Variants in TCF7L2 observed in about 807,000 individuals in gnomAD.
The protein encoded by TCF7L2 is transcription factor 7 like 2, also known as transcription factor 7-like 2.
TCF7L2 carries 23 observed loss-of-function variants against 77.9 expected under a neutral mutation model. The observed-to-expected ratio is 0.30, with a 90% CI of 0.21 to 0.42. The LOEUF (loss-of-function observed/expected upper bound fraction) is 0.42. Among genes scored for constraint, TCF7L2 ranks in the 10% least tolerant of loss-of-function variants. The pLI is 1.00. For missense variants in TCF7L2, 654 were observed against 793.1 expected, an observed-to-expected ratio of 0.82 and a Z score of 2.11; for synonymous variants, 413 against 340.2, an observed-to-expected ratio of 1.21 and a Z score of -2.36.
At chr10:112,978,335 T>C (rs2039819462) in intron 4 of TCF7L2, among the ~76,000 whole-genome samples, 1 of 152,234 alleles carries the variant, frequency 6.6e-6, no homozygotes, top group African/African-American at 2.4e-5. Flanking sequence ...AATGAAAGCA[T>C]TGAACTTGAG....
At chr10:113,162,711 C>G (rs1316729387) in intron 13 of TCF7L2, among the ~76,000 whole-genome samples, 1 of 152,182 alleles carries the variant, frequency 6.6e-6, no homozygotes, top group Non-Finnish European at 1.5e-5. Context: ...ACTTTCCCAG[C>G]AGATATTTTT....
intron 4 of TCF7L2, among the ~76,000 whole-genome samples, chr10:113,009,020 T>C (rs915877295): frequency 3.3e-5 from 5 of 152,136 alleles, no homozygotes; most frequent in African/African-American, 9.7e-5. Flanking sequence ...ACTGTAACCA[T>C]TGCGTTCTGG....
chr10:113,141,395 C>G (rs2068350421), intron 6 of TCF7L2, 79 bp downstream of exon 6: 3 of 1,593,302 alleles, frequency 1.9e-6, no homozygotes, highest in African/African-American at 1.3e-5. Context: ...CCACAGGAAC[C>G]CCAGGGGTGG....
At chr10:113,088,863 G>C (rs1023675416) in intron 5 of TCF7L2, among the ~76,000 whole-genome samples, 3 of 151,906 alleles carry the variant, frequency 2.0e-5, no homozygotes, top group Non-Finnish European at 4.4e-5. Flanking sequence ...TAACTGTTTG[G>C]GAGGCTGAGA....
chr10:113,036,263 A>G (rs2051229127), intron 4 of TCF7L2, among the ~76,000 whole-genome samples: 1 of 151,940 alleles, frequency 6.6e-6, no homozygotes, highest in Non-Finnish European at 1.5e-5. Context: ...CATCCTCAAC[A>G]TTCTTGCTGC....
chr10:113,126,739 C>G (rs1183951167), intron 5 of TCF7L2: 5 of 985,680 alleles, frequency 5.1e-6, no homozygotes, highest in Non-Finnish European at 6.0e-6. Flanking sequence ...GCCGCGGGTG[C>G]GCGGCGGCGG....
intron 5 of TCF7L2, among the ~76,000 whole-genome samples, chr10:113,108,210 A>G (rs1444115467): frequency 6.6e-6 from 1 of 152,078 alleles, no homozygotes; most frequent in Non-Finnish European, 1.5e-5. Context: ...CTTAAACACA[A>G]TGTGGACCCC....
chr10:112,975,394 T>G (rs2039206433), intron 4 of TCF7L2, among the ~76,000 whole-genome samples: 1 of 152,226 alleles, frequency 6.6e-6, no homozygotes, highest in Non-Finnish European at 1.5e-5. Context: ...CTTCTCAGCC[T>G]CAGCACTGTT....
chr10:113,122,656 A>G (rs1270053350), intron 5 of TCF7L2, among the ~76,000 whole-genome samples: 1 of 152,196 alleles, frequency 6.6e-6, no homozygotes, highest in Non-Finnish European at 1.5e-5. Context: ...AACCACATGT[A>G]AAAAAGAGGC....
At chr10:113,052,139 T>C (rs761413324) in intron 5 of TCF7L2, among the ~76,000 whole-genome samples, 1 of 152,112 alleles carries the variant, frequency 6.6e-6, no homozygotes, top group African/African-American at 2.4e-5. Context: ...TTAAGACACA[T>C]AGAAATTGTG....
At chr10:113,052,212 GT>G (rs2054597109) in intron 5 of TCF7L2, among the ~76,000 whole-genome samples, 2 of 152,236 alleles carry the variant, frequency 1.3e-5, no homozygotes, top group African/African-American at 4.8e-5. Flanking sequence ...CGAGTGCAGG[GT>G]TTGTACTTGG....
At chr10:112,958,050 A>G (rs1406327992) in intron 3 of TCF7L2, among the ~76,000 whole-genome samples, 1 of 152,210 alleles carries the variant, frequency 6.6e-6, no homozygotes, top group East Asian at 1.9e-4. Flanking sequence ...ACTAGCCCTC[A>G]GGGATAGATA....
At position 113,160,658 on chromosome 10, in the gene TCF7L2, T is replaced by A. The variant is rs2137464989; in HGVS notation, c.1358T>A (p.Leu453His). 6.3e-7 allele frequency: 1 copy of A among 1,597,276 alleles called. No homozygotes were observed. Among genetic ancestry groups the A allele is most frequent in the Admixed American group, 1.7e-5 (1 of 57,332 alleles). ...AAGAAGTGTCGGGCACTGTTCGGGC[T>A]TGACCGACAGACTTTATGGTGCAAA... The change falls in exon 13 of 14, where the codon CTT (leucine) becomes CAT (histidine). Residue 453 changes from leucine (L) to histidine (H), a missense_variant. Physicochemically the swap from Leu to His is moderately conservative, Grantham distance 99. Transcript: ENST00000627217.
chr10:113,165,389 C>G (rs147913847), intron 13 of TCF7L2, among the ~76,000 whole-genome samples, 166 bp from the exon 15 acceptor site: 8 of 152,026 alleles, frequency 5.3e-5, no homozygotes, highest in Non-Finnish European at 1.2e-4. Context: ...GTGAAGTAAG[C>G]GACCCACCCT....
chr10:112,983,344 G>T (rs369440869), intron 4 of TCF7L2, among the ~76,000 whole-genome samples: 1 of 151,970 alleles, frequency 6.6e-6, no homozygotes, highest in Non-Finnish European at 1.5e-5. Context: ...GGTGGTGGGC[G>T]CCTGTAGTCC....
chr10:113,084,098 T>C (rs1326863121), intron 5 of TCF7L2, among the ~76,000 whole-genome samples: 2 of 152,156 alleles, frequency 1.3e-5, no homozygotes, highest in African/African-American at 4.8e-5. Context: ...TACATGAAAA[T>C]CTGAATCCAT....
intron 13 of TCF7L2, chr10:113,160,730 A>T (rs1038133471): frequency 3.2e-6 from 5 of 1,547,670 alleles, no homozygotes; most frequent in Non-Finnish European, 4.4e-6. Flanking sequence ...AAATCAAAGC[A>T]TTCTGTCCTT....
At chr10:113,149,246 A>T (rs572132330) in intron 8 of TCF7L2, among the ~76,000 whole-genome samples, 1 of 152,070 alleles carries the variant, frequency 6.6e-6, no homozygotes, top group Non-Finnish European at 1.5e-5. Context: ...TGTTTTTCAC[A>T]TTATTTTGAG....
At chr10:112,988,190 T>G (rs995655021) in intron 4 of TCF7L2, among the ~76,000 whole-genome samples, 2 of 151,884 alleles carry the variant, frequency 1.3e-5, no homozygotes, top group Admixed American at 1.3e-4. Context: ...CTCTGTCTCC[T>G]GGGTTCAAGC....
Sources: gnomAD v4.1 joint callset for allele counts (sites outside exome capture counted in the v4.1 genomes callset) on GRCh38, gnomAD v4.1.1 for gene constraint, MANE v1.5 for transcripts, NCBI Gene and HGNC (gene_info 2026-07-23, HGNC 2026-07-21) for gene names.